TMEM38A: variants seen among roughly 807,000 people sequenced by gnomAD.
TMEM38A encodes transmembrane protein 38A.
A neutral mutation model predicts 28.6 loss-of-function variants in TMEM38A; 17 were observed. That is an observed-to-expected ratio of 0.60 (90% confidence interval 0.41 to 0.89). The LOEUF (loss-of-function observed/expected upper bound fraction) is 0.89, where lower values mean the gene tolerates loss of function less well. Ranked by LOEUF, TMEM38A falls within the 40% of genes least tolerant of loss-of-function variation. The pLI is 0.00. For missense variants in TMEM38A, 328 were observed against 393.1 expected (o/e 0.83, Z 1.40); for synonymous variants, 169 against 166.1 (o/e 1.02, Z -0.14).
intron 1 of TMEM38A, among the ~76,000 whole-genome samples, chr19:16,662,383 T>A (rs946147858): frequency 6.6e-6 from 1 of 151,376 alleles, no homozygotes; most frequent in Admixed American, 6.6e-5. Context: ...GCCACCTTTC[T>A]TGATGTCTCT....
chr19:16,680,843 T>G (rs1033933120), intron 3 of TMEM38A: 2 of 471,670 alleles, frequency 4.2e-6, no homozygotes, highest in Non-Finnish European at 7.8e-6. Context: ...GTTTTCTCAC[T>G]TGCAGCACTA....
rs1166011278 is a variant in TMEM38A, at chr19:16,689,616, G to A, written c.*1245G>A. The A allele has an allele frequency of 6.6e-6, 1 of 152,228 alleles. No homozygotes were observed. The highest frequency in any genetic ancestry group is 1.5e-5 in the Non-Finnish European group (1 of 68,090). The allele number at this position is 152,228 out of a possible 1,614,324, so 9.4% of individuals were successfully genotyped here. On this transcript the variant is annotated 3_prime_UTR_variant, in exon 6 of 6. Coordinates refer to ENST00000187762, the MANE Select transcript of TMEM38A (RefSeq NM_024074.4). ...CACAGTTGGGACCTGGATGTATCAG[G>A]TCTCCCTCAGGCTGGAGTCCACTGT...
At chr19:16,670,666 C>T (rs941952596) in intron 1 of TMEM38A, among the ~76,000 whole-genome samples, 3 of 149,482 alleles carry the variant, frequency 2.0e-5, no homozygotes, top group Non-Finnish European at 3.0e-5. Context: ...CAGCCGGGTG[C>T]GGGGGCTCAT....
In TMEM38A at chr19:16,679,912, A is replaced by T. The variant is rs1214238165; in HGVS notation, c.125-72A>T. 3 of 1,487,450 alleles carry T rather than the reference A, an allele frequency of 2.0e-6. No individual in the cohort carries two copies. In the African/African-American group the frequency reaches 4.1e-5, roughly 21 times the overall value. The allele number at this position is 1,487,450 out of a possible 1,614,324, so 92.1% of individuals were successfully genotyped here. The stretch of plus-strand genomic sequence containing the variant: ...GGGCGCTCTGGATTAGGATAGGCTG[A>T]CCAGAGCATATGGGAGTGAAGCCTG... On this transcript the variant is annotated intron_variant, in intron 1 of 5. Coordinates refer to ENST00000187762, the MANE Select transcript of TMEM38A (RefSeq NM_024074.4).
At chr19:16,666,374 C>T (rs2086703208) in intron 1 of TMEM38A, among the ~76,000 whole-genome samples, 1 of 152,018 alleles carries the variant, frequency 6.6e-6, no homozygotes, top group East Asian at 1.9e-4. Context: ...GCCTCAGCCT[C>T]CCAAAGTGCT....
intron 1 of TMEM38A, among the ~76,000 whole-genome samples, chr19:16,679,243 C>A (rs1353981871): frequency 7.1e-6 from 1 of 140,910 alleles, no homozygotes; most frequent in Admixed American, 7.2e-5. Flanking sequence ...ATAGCAATTT[C>A]TTTTGTTTCG....
rs938702724 is a variant in TMEM38A at position 16,688,405 on chromosome 19, G to A, written c.*34G>A. The A allele has an allele frequency of 8.2e-6, 12 of 1,467,228 alleles. No homozygotes were observed. Among genetic ancestry groups the A allele is most frequent in the East Asian group, 2.5e-5 (1 of 40,108 alleles). The allele number at this position is 1,467,228 out of a possible 1,614,324, so 90.9% of individuals were successfully genotyped here. A position where few individuals can be genotyped will look rare whatever the true frequency, so the allele number is the denominator to read the frequency against. ...CCAAGGGGCACCGGGGAGAGGACCCGGACCCAGGACCCTCTGAGCTGGGAG... is the reference window on the plus strand; with the variant it reads ...CCAAGGGGCACCGGGGAGAGGACCCAGACCCAGGACCCTCTGAGCTGGGAG... On this transcript the variant is annotated 3_prime_UTR_variant, in exon 6 of 6. Transcript: ENST00000187762.
intron 1 of TMEM38A, among the ~76,000 whole-genome samples, chr19:16,674,890 A>G (rs1488455633): frequency 1.3e-5 from 2 of 152,056 alleles, no homozygotes; most frequent in Non-Finnish European, 2.9e-5. Context: ...AACCCATACA[A>G]TGTGTCCAAC....
intron 1 of TMEM38A, among the ~76,000 whole-genome samples, chr19:16,674,491 G>T (rs967234105): frequency 2.0e-5 from 3 of 150,918 alleles, no homozygotes; most frequent in African/African-American, 7.3e-5. Flanking sequence ...CACCTGTCTT[G>T]TTCATTATTG....
At chr19:16,678,659 C>T (rs1005552758) in intron 1 of TMEM38A, among the ~76,000 whole-genome samples, 2 of 145,826 alleles carry the variant, frequency 1.4e-5, no homozygotes, top group Non-Finnish European at 3.0e-5. Flanking sequence ...CAAATACTTT[C>T]GAGGCTGAGG....
At chr19:16,678,298 G>A (rs1036774495) in intron 1 of TMEM38A, among the ~76,000 whole-genome samples, 1 of 151,978 alleles carries the variant, frequency 6.6e-6, no homozygotes, top group Non-Finnish European at 1.5e-5. Flanking sequence ...GCGTGGTGGC[G>A]CATGCCTGTA....
At chr19:16,667,418 G>A (rs536642767) in intron 1 of TMEM38A, among the ~76,000 whole-genome samples, 8 of 152,202 alleles carry the variant, frequency 5.3e-5, no homozygotes, top group African/African-American at 1.9e-4. Flanking sequence ...AGAGAAGGAA[G>A]CAGTTGAGTG....
chr19:16,678,452 C>T (rs965040273), intron 1 of TMEM38A, among the ~76,000 whole-genome samples: 1 of 143,412 alleles, frequency 7.0e-6, no homozygotes, highest in African/African-American at 2.6e-5. Flanking sequence ...AAAAAAAGAG[C>T]TATACACTTA....
At chr19:16,664,556 C>A (rs1267683491) in intron 1 of TMEM38A, among the ~76,000 whole-genome samples, 1 of 152,112 alleles carries the variant, frequency 6.6e-6, no homozygotes, top group Admixed American at 6.6e-5. Flanking sequence ...ATTTGCCAGG[C>A]CGATACAAAG....
intron 4 of TMEM38A, 102 bp downstream of exon 4, chr19:16,682,610 ACTCTGC>A: frequency 9.8e-7 from 1 of 1,025,196 alleles, no homozygotes; most frequent in Non-Finnish European, 1.5e-6. Context: ...TCAACCCTTG[ACTCTGC>A]CTTTCAGGAG....
chr19:16,672,446 A>AGTTTTTTTTTTT (rs2086731707), intron 1 of TMEM38A, among the ~76,000 whole-genome samples: 1 of 105,024 alleles, frequency 9.5e-6, no homozygotes, highest in African/African-American at 4.3e-5. Flanking sequence ...AAAAAACCTC[A>AGTTTTTTTTTTT]TTTTTTTTTT....
intron 1 of TMEM38A, among the ~76,000 whole-genome samples, chr19:16,672,746 G>A (rs1328057588): frequency 1.3e-5 from 2 of 151,992 alleles, no homozygotes; most frequent in East Asian, 1.9e-4. Flanking sequence ...CACTGAGCCC[G>A]GCCATAAGTG....
intron 1 of TMEM38A, among the ~76,000 whole-genome samples, chr19:16,664,254 A>G (rs575066833): frequency 5.4e-4 from 68 of 126,754 alleles, no homozygotes; most frequent in African/African-American, 3.0e-3. Flanking sequence ...CGTCTCCACT[A>G]CAAATGCAAA....
chr19:16,671,702 T>A (rs1045160653), intron 1 of TMEM38A, among the ~76,000 whole-genome samples: 2 of 152,180 alleles, frequency 1.3e-5, no homozygotes, highest in Non-Finnish European at 2.9e-5. Context: ...AGTGCTGGGA[T>A]TACGGGTGTG....
Sources: allele counts gnomAD v4.1 joint callset (sites outside exome capture counted in the v4.1 genomes callset), GRCh38; gene constraint gnomAD v4.1.1; transcripts MANE v1.5; gene names NCBI Gene and HGNC (gene_info 2026-07-23, HGNC 2026-07-21).